IKZF3: variants seen among roughly 807,000 people sequenced by gnomAD.
IKZF3 encodes zinc finger protein Aiolos.
A neutral mutation model predicts 49.0 loss-of-function variants in IKZF3; 10 were observed. The ratio of observed to expected loss-of-function variants is 0.20; its 90% CI spans 0.13 to 0.35. The LOEUF (loss-of-function observed/expected upper bound fraction) is 0.35, where lower values mean the gene tolerates loss of function less well. Ranked by LOEUF, IKZF3 falls within the 10% of genes least tolerant of loss-of-function variation. The pLI, the probability that IKZF3 is intolerant of heterozygous loss-of-function variation, is 1.00. For missense variants in IKZF3, 498 were observed against 664.8 expected, an observed-to-expected ratio of 0.75 and a Z score of 2.76; for synonymous variants, 209 against 228.2, an observed-to-expected ratio of 0.92 and a Z score of 0.76.
intron 3 of IKZF3, 48 bp downstream of exon 3, chr17:39,829,339 A>G: frequency 7.7e-7 from 1 of 1,306,308 alleles, no homozygotes; most frequent in Non-Finnish European, 1.1e-6. Context: ...CACTAAGCCT[A>G]AGCAATATCT....
chr17:39,835,961 C>A, intron 1 of IKZF3: 1 of 636,298 alleles, frequency 1.6e-6, no homozygotes. Context: ...TGTCCAGCTG[C>A]CACGGAGGTT....
At chr17:39,863,163 TAAAAATGC>T (rs942234939) in intron 1 of IKZF3, among the ~76,000 whole-genome samples, 14 of 152,154 alleles carry the variant, frequency 9.2e-5, no homozygotes, top group Non-Finnish European at 1.9e-4. Context: ...ATTTAAATGT[TAAAAATGC>T]AAAATTTTTA....
chr17:39,764,167 T>C lies in IKZF3; in HGVS notation c.*1623A>G, dbSNP rs1473026602. On this transcript the variant is annotated 3_prime_UTR_variant, in exon 8 of 8. Transcript: ENST00000346872. ...ACCGAGCCTGGCCGGAAACTGAGTT[T>C]TAAGAGTTAAATAAGGCTGGGTGTG... 6.6e-6 allele frequency: 1 copy of C among 152,012 alleles called. No individual in the cohort carries two copies. The highest frequency in any genetic ancestry group is 1.5e-5 in the Non-Finnish European group (1 of 68,016). 9.4% of individuals were successfully genotyped at this position (152,012 alleles called of 1,614,324 possible).
At chr17:39,798,996 C>CATGTGT (rs1555631870) in intron 3 of IKZF3, among the ~76,000 whole-genome samples, 1 of 148,982 alleles carries the variant, frequency 6.7e-6, no homozygotes, top group Non-Finnish European at 1.5e-5. Flanking sequence ...TGTGTGTGTG[C>CATGTGT]GTGTGTGTGT....
rs553998515 is a variant in IKZF3 at position 39,809,737 on chromosome 17, A to C, written c.164-16804T>G. 3.3e-5 allele frequency among the ~76,000 whole-genome samples: 5 copies of C among 152,328 alleles called. No homozygotes were observed. In the South Asian group the frequency reaches 8.3e-4, roughly 25 times the overall value. On this transcript the variant is annotated intron_variant, in intron 3 of 7. Coordinates refer to ENST00000346872, the MANE Select transcript of IKZF3 (RefSeq NM_012481.5). ...GGATGAAGCACCTGTAATTTTCTCCATCAAAATTAAGAAAAGAAAAGGCCT... is the reference window on the plus strand; with the variant it reads ...GGATGAAGCACCTGTAATTTTCTCCCTCAAAATTAAGAAAAGAAAAGGCCT...
rs1414472561 is a variant in IKZF3, at chr17:39,760,723, A to T, written c.*5067T>A. On this transcript the variant is annotated 3_prime_UTR_variant, in exon 8 of 8. Coordinates refer to ENST00000346872, the MANE Select transcript of IKZF3 (RefSeq NM_012481.5). The stretch of plus-strand genomic sequence containing the variant: ...ATAGTGATACAGATGCTACCTGGAA[A>T]AACTTTGTTCTGTCTGTTCCTCACG... The T allele has an allele frequency of 6.6e-6, 1 of 152,264 alleles. No individual in the cohort carries two copies. The highest frequency in any genetic ancestry group is 1.5e-5 in the Non-Finnish European group (1 of 68,058). The allele number at this position is 152,264 out of a possible 1,614,324, so 9.4% of individuals were successfully genotyped here.
At chr17:39,792,527 G>C (rs1403304038) in intron 4 of IKZF3, 146 bp downstream of exon 4, 4 of 786,184 alleles carry the variant, frequency 5.1e-6, no homozygotes, top group South Asian at 3.7e-5. Context: ...AAAGCACTGA[G>C]TGAACAGCAA....
intron 3 of IKZF3, among the ~76,000 whole-genome samples, chr17:39,793,434 C>T (rs17670654): frequency 0.011 from 1,677 of 152,266 alleles, 7 homozygotes; most frequent in Non-Finnish European, 0.018. Flanking sequence ...TAATTTTAAG[C>T]CATGCATTGC....
intron 1 of IKZF3, among the ~76,000 whole-genome samples, chr17:39,850,117 CT>C (rs996780838): frequency 5.1e-5 from 3 of 58,614 alleles, no homozygotes; most frequent in Non-Finnish European, 1.2e-4. Flanking sequence ...TGTATATATA[CT>C]ATATGTATAT....
chr17:39,826,727 G>A (rs1025128902), intron 3 of IKZF3, among the ~76,000 whole-genome samples: 5 of 152,222 alleles, frequency 3.3e-5, no homozygotes, highest in Non-Finnish European at 7.3e-5. Flanking sequence ...CACAGTGTGC[G>A]TGTTTGAGGT....
At chr17:39,779,646 G>GTTTTTTTTTTTTTTTTTTTTTTTTTTTTT (rs138812490) in intron 6 of IKZF3, among the ~76,000 whole-genome samples, 1 of 117,816 alleles carries the variant, frequency 8.5e-6, no homozygotes, top group Non-Finnish European at 1.7e-5. Flanking sequence ...TATATTCTTT[G>GTTTTTTTTTTTTTTTTTTTTTTTTTTTTT]TTTTTTGTTT....
intron 7 of IKZF3, among the ~76,000 whole-genome samples, chr17:39,776,012 T>A (rs1049686586): frequency 1.3e-5 from 2 of 152,138 alleles, no homozygotes; most frequent in Non-Finnish European, 1.5e-5. Flanking sequence ...TCCCTCCTCT[T>A]GTCGGCTTCA....
rs180844031 is a variant in IKZF3 at position 39,842,301 on chromosome 17, G to A, written c.8-10150C>T. ...GGAGGCTGAGGCAGGTGGATCATTT[G>A]AGGCCCGCCTCAGCCTCAAGTGTTT... On this transcript the variant is annotated intron_variant, in intron 1 of 7. Coordinates refer to ENST00000346872, the MANE Select transcript of IKZF3 (RefSeq NM_012481.5). 3.8e-4 allele frequency among the ~76,000 whole-genome samples: 58 copies of A among 152,302 alleles called. No homozygotes were observed. In the East Asian group the frequency reaches 8.7e-3, roughly 23 times the overall value.
At chr17:39,858,238 C>T (rs1163996065) in intron 1 of IKZF3, among the ~76,000 whole-genome samples, 1 of 152,016 alleles carries the variant, frequency 6.6e-6, no homozygotes, top group African/African-American at 2.4e-5. Flanking sequence ...GCAGGAGAAT[C>T]TTTTGTGCTC....
chr17:39,829,903 G>A (rs1023374691), intron 2 of IKZF3, among the ~76,000 whole-genome samples: 2 of 151,944 alleles, frequency 1.3e-5, no homozygotes, highest in Non-Finnish European at 2.9e-5. Flanking sequence ...AGTGAGCCAA[G>A]ATAGCACCAC....
At chr17:39,810,513 G>A (rs2061525511) in intron 3 of IKZF3, among the ~76,000 whole-genome samples, 1 of 150,662 alleles carries the variant, frequency 6.6e-6, no homozygotes, top group African/African-American at 2.4e-5. Context: ...ATTTCTCTTT[G>A]AACTTCTATT....
chr17:39,820,401 A>G (rs899189507), intron 3 of IKZF3, among the ~76,000 whole-genome samples: 1 of 152,214 alleles, frequency 6.6e-6, no homozygotes, highest in African/African-American at 2.4e-5. Context: ...CTCACAAAAA[A>G]GCCTGGAAGT....
At chr17:39,775,420 G>A (rs1259310622) in intron 7 of IKZF3, among the ~76,000 whole-genome samples, 4 of 152,114 alleles carry the variant, frequency 2.6e-5, no homozygotes, top group East Asian at 1.9e-4. Context: ...GCAAACAAAC[G>A]AAATAGATCC....
chr17:39,838,050 T>C (rs2062353866), intron 1 of IKZF3, among the ~76,000 whole-genome samples: 1 of 152,224 alleles, frequency 6.6e-6, no homozygotes, highest in African/African-American at 2.4e-5. Flanking sequence ...CTCTTTACTT[T>C]TGGCTTTCAG....
Sources: allele counts gnomAD v4.1 joint callset (sites outside exome capture counted in the v4.1 genomes callset), GRCh38; gene constraint gnomAD v4.1.1; transcripts MANE v1.5; gene names NCBI Gene and HGNC (gene_info 2026-07-23, HGNC 2026-07-21).